WFDC6: variants seen among roughly 807,000 people sequenced by gnomAD.
The protein encoded by WFDC6 is WAP four-disulfide core domain protein 6.
WFDC6 carries 10 observed loss-of-function variants against 8.2 expected under a neutral mutation model. That is an observed-to-expected ratio of 1.22 (90% CI 0.75 to 2.07). The LOEUF is 2.07. Among genes scored for constraint, WFDC6 ranks in the 30% most tolerant of loss-of-function variants. The pLI, the probability that WFDC6 is intolerant of heterozygous loss-of-function variation, is 0.00. For missense variants in WFDC6, 105 were observed against 104.9 expected (o/e 1.00, Z 0.00); for synonymous variants, 28 against 37.0 (o/e 0.76, Z 0.88).
chr20:45,536,485 GTCC>G (rs1273358294), intron 2 of WFDC6, among the ~76,000 whole-genome samples: 1 of 152,074 alleles, frequency 6.6e-6, no homozygotes, highest in Admixed American at 6.6e-5. Flanking sequence ...TGTAAAGTAG[GTCC>G]TCTCATTGTT....
chr20:45,537,561 A>C, intron 2 of WFDC6: 1 of 1,549,928 alleles, frequency 6.5e-7, no homozygotes, highest in Admixed American at 2.0e-5. Context: ...CTAGAGAAAA[A>C]AGCCAGGAAA....
rs375905654 is a variant in WFDC6 at position 45,539,299 on chromosome 20, G to A, written c.91+18C>T. The A allele has an allele frequency of 1.7e-5, 27 of 1,611,854 alleles. No individual in the cohort carries two copies. The highest frequency in any genetic ancestry group is 2.7e-5 in the African/African-American group (2 of 74,944). On this transcript the variant is annotated intron_variant, in intron 1 of 2. Transcript: ENST00000372670. ...AGTTTCCTTTCCCCATTGCAAGGAC[G>A]GAGTTCCCAATACTTACTGCCAAGG...
chr20:45,534,332 G>T lies in WFDC6; in HGVS notation c.*135C>A. ...AGCATTGTGTTTGAAGAGATGCTAC[G>T]CTGGAAGAAAGTGTGTAAGCAATTC... is the stretch of plus-strand genomic sequence containing the variant. On this transcript the variant is annotated 3_prime_UTR_variant, in exon 3 of 3. Transcript: ENST00000372670. 2 of 1,010,160 alleles carry T rather than the reference G, an allele frequency of 2.0e-6. No homozygotes were observed. The highest frequency in any genetic ancestry group is 3.2e-6 in the Non-Finnish European group (2 of 634,734). The allele number at this position is 1,010,160 out of a possible 1,614,324, so 62.6% of individuals were successfully genotyped here. A position where few individuals can be genotyped will look rare whatever the true frequency, so the allele number is the denominator to read the frequency against.
At chr20:45,539,256 G>A (rs1979490275) in intron 1 of WFDC6, 61 bp downstream of exon 1, 8 of 1,506,040 alleles carry the variant, frequency 5.3e-6, no homozygotes, top group African/African-American at 1.4e-5. Context: ...ATTATTCTTT[G>A]TTCCTTCCTC....
At position 45,538,104 on chromosome 20, in the gene WFDC6, G is replaced by A. The variant is rs766511191; in HGVS notation, c.92-10C>T. The A allele has an allele frequency of 1.1e-5, 17 of 1,613,678 alleles. No homozygotes were observed. The South Asian group carries it at 1.5e-4, about 15-fold the overall frequency. On this transcript the variant is annotated splice_polypyrimidine_tract_variant and intron_variant, in intron 1 of 2. Transcript: ENST00000372670. The stretch of plus-strand genomic sequence containing the variant: ...ATTTTGGGACACGGCTCTAAGGGAG[G>A]GGAAGATATATTCCCTCAAGGCCTT...
At chr20:45,537,642 G>T in intron 2 of WFDC6, 1 of 1,353,456 alleles carries the variant, frequency 7.4e-7, no homozygotes, top group Non-Finnish European at 1.0e-6. Context: ...ATGAGACTTT[G>T]GTGACTACTT....
At chr20:45,536,340 T>C (rs1979364678) in intron 2 of WFDC6, among the ~76,000 whole-genome samples, 1 of 151,958 alleles carries the variant, frequency 6.6e-6, no homozygotes, top group African/African-American at 2.4e-5. Flanking sequence ...GAGGTACAAA[T>C]AGAGTTCTTT....
chr20:45,535,531 A>G (rs1979333834), intron 2 of WFDC6, among the ~76,000 whole-genome samples: 1 of 152,190 alleles, frequency 6.6e-6, no homozygotes, highest in South Asian at 2.1e-4. Flanking sequence ...AGATGAGAAT[A>G]CAAAATCCCA....
At chr20:45,538,213 A>G (rs1979445271) in intron 1 of WFDC6, 119 bp from the exon 2 acceptor site, 1 of 1,544,626 alleles carries the variant, frequency 6.5e-7, no homozygotes, top group African/African-American at 1.4e-5. Flanking sequence ...CTATCCCCAG[A>G]AGGTAGTGGC....
At chr20:45,538,267 A>G (rs1979447757) in intron 1 of WFDC6, among the ~76,000 whole-genome samples, 173 bp from the exon 2 acceptor site, 1 of 151,848 alleles carries the variant, frequency 6.6e-6, no homozygotes, top group Admixed American at 6.6e-5. Context: ...CACATCCCCA[A>G]CCCCATAACA....
intron 2 of WFDC6, 113 bp from the exon 3 acceptor site, chr20:45,534,618 G>T: frequency 7.7e-7 from 1 of 1,303,108 alleles, no homozygotes; most frequent in Non-Finnish European, 1.1e-6. Flanking sequence ...CTTTGGGCAG[G>T]AATGGAATGA....
intron 1 of WFDC6, 65 bp from the exon 2 acceptor site, chr20:45,538,159 C>G (rs1979443564): frequency 6.2e-7 from 1 of 1,609,320 alleles, no homozygotes; most frequent in Admixed American, 1.7e-5. Flanking sequence ...CTCCCCGAGA[C>G]CAGGGCACCC....
At chr20:45,539,187 C>G (rs1979488679) in intron 1 of WFDC6, 130 bp downstream of exon 1, 2 of 863,320 alleles carry the variant, frequency 2.3e-6, no homozygotes, top group Middle Eastern at 2.2e-4. Flanking sequence ...CAAATAGCTC[C>G]CCTCTTTCCC....
In WFDC6 at chr20:45,536,384, A is replaced by G. The variant is rs994318258; in HGVS notation, c.222+1580T>C. 2.6e-5 allele frequency among the ~76,000 whole-genome samples: 4 copies of G among 152,204 alleles called. No individual in the cohort carries two copies. The East Asian group carries it at 7.7e-4, about 29-fold the overall frequency. ...AGGTCTGAAGCACGACAAAACAACA[A>G]TTGTAGCATTGATTAGTGTCAGCAC... On this transcript the variant is annotated intron_variant, in intron 2 of 2. Coordinates refer to ENST00000372670, the MANE Select transcript of WFDC6 (RefSeq NM_080827.2).
At chr20:45,537,444 T>C (rs1359661200) in intron 2 of WFDC6, 11 of 1,250,126 alleles carry the variant, frequency 8.8e-6, no homozygotes, top group South Asian at 1.3e-5. Flanking sequence ...GAACGAATGG[T>C]CCTTGATGAT....
intron 2 of WFDC6, 66 bp from the exon 3 acceptor site, chr20:45,534,571 ACCT>A: frequency 1.3e-6 from 2 of 1,570,486 alleles, no homozygotes; most frequent in African/African-American, 1.4e-5. Flanking sequence ...CAAATCTTGC[ACCT>A]AATGGGAAAA....
Position 45,538,014 on chromosome 20 carries a change from T to G in WFDC6, c.172A>C (p.Met58Leu). The G allele has an allele frequency of 6.2e-7, 1 of 1,614,036 alleles. No homozygotes were observed. The highest frequency in any genetic ancestry group is 8.5e-7 in the Non-Finnish European group (1 of 1,179,934). The change falls in exon 2 of 3, where the codon ATG (methionine) becomes CTG (leucine). Residue 58 changes from methionine (M) to leucine (L), a missense_variant. Physicochemically the swap from Met to Leu is conservative, Grantham distance 15. Transcript: ENST00000372670. The part of the protein sequence containing the change: ...CTKPRDCPEN[M>L]KCCPFSRGKK... The stretch of plus-strand genomic sequence containing the variant: ...CCACGGCTGAACGGGCAACACTTCA[T>G]GTTTTCTGGGCAATCTCTGGGTTTG...
chr20:45,539,466 C>G lies in WFDC6; in HGVS notation c.-59G>C, dbSNP rs932471414. 3 of 1,509,788 alleles carry G rather than the reference C, an allele frequency of 2.0e-6. No individual in the cohort carries two copies. The highest frequency in any genetic ancestry group is 2.8e-6 in the Non-Finnish European group (3 of 1,086,274). The allele number at this position is 1,509,788 out of a possible 1,614,324, so 93.5% of individuals were successfully genotyped here. On this transcript the variant is annotated 5_prime_UTR_variant, in exon 1 of 3. Coordinates refer to ENST00000372670, the MANE Select transcript of WFDC6 (RefSeq NM_080827.2). Reference sequence around the variant, plus strand: ...AACTAAGAACTGCTCCTCAGCAGCTCCTACATCTGCACTTTGCCTGCCCCG... The same window carrying G: ...AACTAAGAACTGCTCCTCAGCAGCTGCTACATCTGCACTTTGCCTGCCCCG...
At chr20:45,537,476 TG>T in intron 2 of WFDC6, 3 of 1,467,506 alleles carry the variant, frequency 2.0e-6, no homozygotes, top group South Asian at 1.2e-5. Flanking sequence ...CTCAATAATA[TG>T]GGCAGAGAAG....
Sources: allele counts gnomAD v4.1 joint callset (sites outside exome capture counted in the v4.1 genomes callset), GRCh38; gene constraint gnomAD v4.1.1; transcripts MANE v1.5; gene names NCBI Gene and HGNC (gene_info 2026-07-23, HGNC 2026-07-21).